Variants in POU2F2 observed in about 807,000 individuals in gnomAD.
The protein encoded by POU2F2 is POU class 2 homeobox 2, also known as POU domain, class 2, transcription factor 2.
In POU2F2, 14 loss-of-function variants were observed where a neutral mutation model predicts 63.5. That is an observed-to-expected ratio of 0.22 (90% confidence interval 0.15 to 0.34). The LOEUF (loss-of-function observed/expected upper bound fraction) is 0.34, where lower values mean the gene tolerates loss of function less well. POU2F2 is among the 10% of genes least tolerant of loss of function. The pLI is 1.00. For missense variants in POU2F2, 607 were observed against 815.2 expected (o/e 0.74, Z 3.11); for synonymous variants, 306 against 348.6 (o/e 0.88, Z 1.36).
intron 5 of POU2F2, among the ~76,000 whole-genome samples, chr19:42,106,363 G>A (rs1286573406): frequency 1.3e-5 from 2 of 152,044 alleles, no homozygotes; most frequent in Non-Finnish European, 2.9e-5. Flanking sequence ...CACCCACCTC[G>A]TCCTCTCAAA....
Position 42,095,424 on chromosome 19 carries a change from G to A in POU2F2, c.1059C>T (p.Ala353=), listed in dbSNP as rs535353969. The A allele has an allele frequency of 2.5e-6, 4 of 1,613,678 alleles. No individual in the cohort carries two copies. Among genetic ancestry groups the A allele is most frequent in the Middle Eastern group, 1.6e-4 (1 of 6,062 alleles). Residue 353 remains alanine (A), a synonymous_variant, in exon 11 of 15, where the codon GCC becomes GCT. Transcript: ENST00000692977. This position sits in a 1 kb window ranked among gnomAD's most constrained non-coding sequence, Gnocchi z 7.1. ...CTTCCTTCTCCATGTGCAGCTGCTCGGCGATCAGCAGGATCTCCTCTGAGG... is the reference window on the plus strand; with the variant it reads ...CTTCCTTCTCCATGTGCAGCTGCTCAGCGATCAGCAGGATCTCCTCTGAGG... The part of the protein sequence containing the change: ...KPTSEEILLI[A]EQLHMEKEVI...
chr19:42,172,953 A>G (rs2034799935), intron 1 of POU2F2, among the ~76,000 whole-genome samples: 1 of 152,220 alleles, frequency 6.6e-6, no homozygotes, highest in Non-Finnish European at 1.5e-5. Flanking sequence ...AAGGCTCGGT[A>G]TGAGGAGGAC....
chr19:42,113,341 C>T (rs1300554891), intron 5 of POU2F2, among the ~76,000 whole-genome samples: 1 of 152,166 alleles, frequency 6.6e-6, no homozygotes, highest in African/African-American at 2.4e-5. Context: ...CTCATTGATT[C>T]GGTAAATATC....
chr19:42,095,535 G>T lies in POU2F2; in HGVS notation c.1020+10C>A. 1.2e-6 allele frequency: 2 copies of T among 1,600,572 alleles called. No individual in the cohort carries two copies. The highest frequency in any genetic ancestry group is 1.7e-6 in the Non-Finnish European group (2 of 1,173,054). Reference sequence around the variant, plus strand: ...TCAGGTGAGGGCCACCCAGGAGAGGGGGGCCTCACCGCTAGAAAACTCTTC... The same window carrying T: ...TCAGGTGAGGGCCACCCAGGAGAGGTGGGCCTCACCGCTAGAAAACTCTTC... On this transcript the variant is annotated intron_variant, in intron 10 of 14. Coordinates refer to ENST00000692977, the MANE Select transcript of POU2F2 (RefSeq NM_001394376.1). This position sits in a 1 kb window ranked among gnomAD's most constrained non-coding sequence, Gnocchi z 7.1.
intron 2 of POU2F2, among the ~76,000 whole-genome samples, chr19:42,141,473 C>CTTTTTTTTTTTTTTT (rs58221767): frequency 1.0e-5 from 1 of 98,976 alleles, no homozygotes; most frequent in African/African-American, 4.2e-5. Flanking sequence ...CTTAATTAAT[C>CTTTTTTTTTTTTTTT]TTTTTTTTTT....
At chr19:42,188,423 C>A (rs1432893544) in intron 1 of POU2F2, among the ~76,000 whole-genome samples, 2 of 150,778 alleles carry the variant, frequency 1.3e-5, no homozygotes, top group African/African-American at 2.4e-5. Context: ...GTAATCCCAA[C>A]ACTTTGGGAG....
intron 1 of POU2F2, among the ~76,000 whole-genome samples, chr19:42,170,878 C>A (rs2034749781): frequency 6.6e-6 from 1 of 152,260 alleles, no homozygotes; most frequent in African/African-American, 2.4e-5. Context: ...CCAGCTTCAG[C>A]CAAATGCGCC....
upstream of POU2F2, among the ~76,000 whole-genome samples, chr19:42,179,571 CGCTGCGCGGTCTTGGCTTAGCA>C (rs1423421179): frequency 6.6e-6 from 1 of 152,002 alleles, no homozygotes; most frequent in Non-Finnish European, 1.5e-5. Flanking sequence ...CGCAGGCACG[CGCTGCGCGGTCTTGGCTTAGCA>C]GCTGCAACCG....
intron 1 of POU2F2, among the ~76,000 whole-genome samples, chr19:42,160,865 T>C (rs2034539393): frequency 1.3e-5 from 2 of 152,240 alleles, no homozygotes; most frequent in Admixed American, 6.5e-5. Context: ...TTGAAAAGGT[T>C]ACTCATTATT....
In POU2F2 at chr19:42,091,676, C is replaced by T. The variant is rs907905521; in HGVS notation, c.1541-85G>A. On this transcript the variant is annotated intron_variant, in intron 14 of 14. Transcript: ENST00000692977. Reference sequence around the variant, plus strand: ...TTCCAGCATCCTGCCCAGAGTGCCCCCCATCTCCCCATCGGTCCCACTGAC... The same window carrying T: ...TTCCAGCATCCTGCCCAGAGTGCCCTCCATCTCCCCATCGGTCCCACTGAC... The T allele has an allele frequency of 2.6e-6, 4 of 1,551,038 alleles. No individual in the cohort carries two copies. The African/African-American group carries it at 5.5e-5, about 21-fold the overall frequency.
chr19:42,167,463 C>CA (rs759561409), intron 1 of POU2F2, among the ~76,000 whole-genome samples: 1,392 of 120,996 alleles, frequency 0.012, 15 homozygotes, highest in African/African-American at 0.033. Context: ...CCCCAAACTC[C>CA]AAAAAAAAAA....
chr19:42,150,108 A>G (rs1349169572), intron 2 of POU2F2, among the ~76,000 whole-genome samples: 3 of 151,990 alleles, frequency 2.0e-5, no homozygotes, highest in Admixed American at 6.5e-5. Context: ...GGCTTTGGCT[A>G]TCCTGACTTT....
chr19:42,140,293 T>G (rs537579953), intron 2 of POU2F2, among the ~76,000 whole-genome samples: 8 of 152,178 alleles, frequency 5.3e-5, no homozygotes, highest in African/African-American at 1.9e-4. Context: ...CAGCACCAAC[T>G]CTGCAGGCTC....
At chr19:42,182,688 G>C (rs2034975577) in intron 1 of POU2F2, among the ~76,000 whole-genome samples, 2 of 152,152 alleles carry the variant, frequency 1.3e-5, no homozygotes, top group African/African-American at 2.4e-5. Flanking sequence ...GGGGCAGCCA[G>C]CTGTCTCCAT....
At position 42,153,472 on chromosome 19, in the gene POU2F2, G is replaced by C. The variant is rs948111313; in HGVS notation, c.-9+6860C>G. 1.3e-5 allele frequency among the ~76,000 whole-genome samples: 2 copies of C among 152,292 alleles called. No individual in the cohort carries two copies. The highest frequency in any genetic ancestry group is 4.1e-4 in the South Asian group (2 of 4,826). On this transcript the variant is annotated intron_variant, in intron 2 of 6. Coordinates refer to the POU2F2 transcript ENST00000524801. This position sits in a 1 kb window ranked among gnomAD's most constrained non-coding sequence, Gnocchi z 5.6. The stretch of plus-strand genomic sequence containing the variant: ...CTGGGAAGCCTGTGTGTGTTGGCGT[G>C]CGCATGCCCCTGACAGAGTGTGTCT...
At chr19:42,104,224 A>G (rs1367813812) in intron 5 of POU2F2, among the ~76,000 whole-genome samples, 1 of 152,158 alleles carries the variant, frequency 6.6e-6, no homozygotes, top group Non-Finnish European at 1.5e-5. Flanking sequence ...GTAATACCAC[A>G]TTGGGGAGTG....
chr19:42,106,007 C>CTTTCTTTCTT (rs2029869039), intron 5 of POU2F2, among the ~76,000 whole-genome samples: 1 of 119,882 alleles, frequency 8.3e-6, no homozygotes, highest in African/African-American at 3.2e-5. Flanking sequence ...TTTTTTCTTT[C>CTTTCTTTCTT]TTTCTTTCTT....
At chr19:42,101,328 T>C (rs934626800) in intron 5 of POU2F2, among the ~76,000 whole-genome samples, 2 of 149,702 alleles carry the variant, frequency 1.3e-5, no homozygotes, top group African/African-American at 4.9e-5. Flanking sequence ...ATTAACCCTA[T>C]TTGGAGATAG....
intron 2 of POU2F2, among the ~76,000 whole-genome samples, chr19:42,147,853 C>T (rs546164829): frequency 4.6e-5 from 7 of 152,286 alleles, no homozygotes; most frequent in Non-Finnish European, 7.4e-5. Context: ...CAGGAAAGGG[C>T]ATGGCCATTT....
Sources: gnomAD v4.1 joint callset for allele counts (sites outside exome capture counted in the v4.1 genomes callset) on GRCh38, gnomAD v4.1.1 for gene constraint, Gnocchi (gnomAD v3.1) non-coding constraint, MANE v1.5 for transcripts, NCBI Gene and HGNC (gene_info 2026-07-23, HGNC 2026-07-21) for gene names.